The following NID1 variants were observed in gnomAD, a reference collection of about 807,000 sequenced individuals.
NID1 encodes nidogen-1.
Under a neutral mutation model 130.6 loss-of-function variants are expected in NID1, and 76 were observed. The ratio of observed to expected loss-of-function variants is 0.58; its 90% CI spans 0.48 to 0.70. The LOEUF (loss-of-function observed/expected upper bound fraction) is 0.70. NID1 is among the 30% of genes least tolerant of loss of function. The pLI is 0.00. For missense variants in NID1, 1,517 were observed against 1,664.8 expected, an observed-to-expected ratio of 0.91 and a Z score of 1.54; for synonymous variants, 665 against 675.1, an observed-to-expected ratio of 0.98 and a Z score of 0.23.
intron 1 of NID1, chr1:236,060,700 A>G (rs1660014266): frequency 6.6e-6 from 1 of 151,700 alleles, no homozygotes; most frequent in Non-Finnish European, 1.5e-5. Context: ...GTAGTGGGTT[A>G]TCTGAACTTA....
At chr1:236,060,047 C>T (rs2102853542) in intron 1 of NID1, among the ~76,000 whole-genome samples, 1 of 151,098 alleles carries the variant, frequency 6.6e-6, no homozygotes, top group East Asian at 1.9e-4. Flanking sequence ...TTGCAGTGAG[C>T]CGACATCGTG....
At chr1:236,016,156 G>GAA (rs199651920) in intron 10 of NID1, among the ~76,000 whole-genome samples, 1 of 142,884 alleles carries the variant, frequency 7.0e-6, no homozygotes. Context: ...CCCTACTGAG[G>GAA]AAAAAAAAAA....
intron 16 of NID1, among the ~76,000 whole-genome samples, chr1:235,980,946 T>C (rs1657420138): frequency 6.6e-6 from 1 of 152,186 alleles, no homozygotes; most frequent in South Asian, 2.1e-4. Context: ...TAAAGGGCTA[T>C]AACTGGCATA....
chr1:236,043,790 T>C (rs1659523602), intron 3 of NID1, among the ~76,000 whole-genome samples: 1 of 151,814 alleles, frequency 6.6e-6, no homozygotes, highest in Non-Finnish European at 1.5e-5. Flanking sequence ...AGAGCAAGAC[T>C]CCATCTCAAA....
At chr1:236,063,989 A>T (rs1327722075) in intron 1 of NID1, among the ~76,000 whole-genome samples, 1 of 152,224 alleles carries the variant, frequency 6.6e-6, no homozygotes. Context: ...CCGGGAGCAC[A>T]GCCATTTCAC....
intron 1 of NID1, among the ~76,000 whole-genome samples, chr1:236,061,990 T>C (rs1031527800): frequency 6.6e-5 from 10 of 152,328 alleles, no homozygotes; most frequent in African/African-American, 2.4e-4. Context: ...TGTCAGATGG[T>C]GCTGTCGCTT....
intron 14 of NID1, among the ~76,000 whole-genome samples, chr1:235,989,357 CCCATT>C (rs1657663455): frequency 6.6e-6 from 1 of 152,184 alleles, no homozygotes; most frequent in Non-Finnish European, 1.5e-5. Flanking sequence ...GGGAATTTAA[CCCATT>C]CCTATTACCT....
intron 10 of NID1, among the ~76,000 whole-genome samples, chr1:236,015,641 C>T (rs1267055066): frequency 1.0e-5 from 1 of 96,488 alleles, no homozygotes; most frequent in Non-Finnish European, 2.0e-5. Flanking sequence ...TAGCAAAACC[C>T]TGTCTCAAAA....
intron 2 of NID1, among the ~76,000 whole-genome samples, chr1:236,047,907 T>A (rs2102844893): frequency 6.6e-6 from 1 of 150,576 alleles, no homozygotes; most frequent in East Asian, 2.0e-4. Context: ...ATGCCTGTAA[T>A]CCCAGCTACT....
chr1:235,985,250 G>A, intron 15 of NID1, 129 bp downstream of exon 15: 1 of 922,386 alleles, frequency 1.1e-6, no homozygotes, highest in Non-Finnish European at 1.7e-6. Context: ...CTTTATCGTA[G>A]TAATGCAACA....
intron 12 of NID1, among the ~76,000 whole-genome samples, chr1:236,010,997 A>G (rs1645172374): frequency 2.0e-5 from 3 of 152,252 alleles, no homozygotes; most frequent in Non-Finnish European, 2.9e-5. Context: ...GAGCCCCACC[A>G]TATACCAAAC....
At chr1:236,062,131 C>T (rs60847859) in intron 1 of NID1, among the ~76,000 whole-genome samples, 6,066 of 152,192 alleles carry the variant, frequency 0.04, 409 homozygotes, top group African/African-American at 0.14. Context: ...TACCTCTTCT[C>T]GAAATGCAGT....
At position 235,979,094 on chromosome 1, in the gene NID1, C is replaced by A. The variant is rs565280879; in HGVS notation, c.3523G>T (p.Ala1175Ser). Residue 1175 changes from alanine (A) to serine (S), a missense_variant, in exon 19 of 20, where the codon GCT (alanine) becomes TCT (serine). Ala to Ser is a moderately conservative substitution (Grantham distance 99). This residue lies in a region of NID1 where 181 missense variants were observed against 211.3 expected (regional missense o/e 0.86). Coordinates refer to ENST00000264187, the MANE Select transcript of NID1 (RefSeq NM_002508.3). This position sits in a 1 kb window ranked among gnomAD's most constrained non-coding sequence, Gnocchi z 4.6. ...TCCTTGGAAATTGCAAGATCGAGAG[C>A]AACCACGGAATTCCTACAAAGCACC... is the stretch of plus-strand genomic sequence containing the variant. ...FTDWKMNSVV[A>S]LDLAISKETD... The A allele has an allele frequency of 9.9e-6, 16 of 1,612,938 alleles. No individual in the cohort carries two copies. The highest frequency in any genetic ancestry group is 1.3e-5 in the African/African-American group (1 of 75,012).
chr1:236,017,544 C>T (rs564958278), intron 9 of NID1, among the ~76,000 whole-genome samples: 1 of 149,352 alleles, frequency 6.7e-6, no homozygotes, highest in South Asian at 2.1e-4. Flanking sequence ...TGCCACCACG[C>T]CTGGCCAATT....
At chr1:235,986,421 T>C (rs888606763) in intron 14 of NID1, among the ~76,000 whole-genome samples, 18 of 106,914 alleles carry the variant, frequency 1.7e-4, no homozygotes, top group Admixed American at 9.8e-4. Context: ...ACCTTAATAA[T>C]TGTGACAGCA....
chr1:236,058,570 C>T (rs1659954405), intron 1 of NID1, among the ~76,000 whole-genome samples: 1 of 152,226 alleles, frequency 6.6e-6, no homozygotes, highest in South Asian at 2.1e-4. Context: ...AAAGCACTTC[C>T]TGTCTCATTT....
At chr1:236,029,419 G>A in intron 7 of NID1, 131 bp downstream of exon 7, 1 of 827,214 alleles carries the variant, frequency 1.2e-6, no homozygotes, top group East Asian at 2.7e-5. Context: ...AGGGGAAGGT[G>A]ACTGTAAGGC....
intron 1 of NID1, among the ~76,000 whole-genome samples, chr1:236,063,698 GA>G (rs1660108830): frequency 6.6e-6 from 1 of 152,086 alleles, no homozygotes; most frequent in African/African-American, 2.4e-5. Flanking sequence ...GAGGCCAGAG[GA>G]CAGCTTGAGC....
intron 12 of NID1, among the ~76,000 whole-genome samples, chr1:236,007,499 T>G (rs1056993343): frequency 6.6e-6 from 1 of 152,178 alleles, no homozygotes; most frequent in African/African-American, 2.4e-5. Context: ...CCGAGACTGA[T>G]GGTATCAACA....
Sources: allele counts gnomAD v4.1 joint callset (sites outside exome capture counted in the v4.1 genomes callset), GRCh38; gene constraint gnomAD v4.1.1; regional missense constraint gnomAD v4.1.1; non-coding constraint Gnocchi (gnomAD v3.1); transcripts MANE v1.5; gene names NCBI Gene and HGNC (gene_info 2026-07-23, HGNC 2026-07-21).